The following ATP9B variants were observed in gnomAD, a reference collection of about 807,000 sequenced individuals.
The protein encoded by ATP9B is probable phospholipid-transporting ATPase IIB.
In ATP9B, 110 loss-of-function variants were observed where a neutral mutation model predicts 146.1. The ratio of observed to expected loss-of-function variants is 0.75; its 90% CI spans 0.65 to 0.88. ATP9B has a LOEUF of 0.88. ATP9B is among the 40% of genes least tolerant of loss of function. The pLI, the probability that ATP9B is intolerant of heterozygous loss-of-function variation, is 0.00. For synonymous variants in ATP9B, 604 were observed against 569.7 expected (o/e 1.06, Z -0.86); for missense variants, 1,499 against 1,496.4 (o/e 1.00, Z -0.03).
chr18:79,168,884 C>T (rs72994292), intron 7 of ATP9B, among the ~76,000 whole-genome samples: 10,022 of 152,080 alleles, frequency 0.066, 402 homozygotes, highest in Non-Finnish European at 0.095. Context: ...TGTATTAAAT[C>T]TCTTCCATGC....
At chr18:79,320,697 C>G (rs2096710449) in intron 15 of ATP9B, among the ~76,000 whole-genome samples, 1 of 152,164 alleles carries the variant, frequency 6.6e-6, no homozygotes, top group South Asian at 2.1e-4. Flanking sequence ...TGCAGAACTC[C>G]CACCCCCCTC....
chr18:79,171,745 G>A (rs1217529408), intron 7 of ATP9B, among the ~76,000 whole-genome samples: 1 of 152,184 alleles, frequency 6.6e-6, no homozygotes, highest in East Asian at 1.9e-4. Context: ...CACTAGCCCA[G>A]TGGGCTCAGC....
intron 5 of ATP9B, among the ~76,000 whole-genome samples, chr18:79,132,375 TC>T (rs1599783464): frequency 6.6e-6 from 1 of 152,324 alleles, no homozygotes; most frequent in East Asian, 1.9e-4. Context: ...GAGTACGAGT[TC>T]TCATATCCAG....
chr18:79,346,932 T>C (rs1322848903), intron 23 of ATP9B, among the ~76,000 whole-genome samples: 2 of 152,246 alleles, frequency 1.3e-5, no homozygotes, highest in Admixed American at 1.3e-4. Context: ...TCACATTTCA[T>C]AATGTCAATC....
intron 19 of ATP9B, among the ~76,000 whole-genome samples, chr18:79,337,650 C>G (rs1290474041): frequency 6.6e-6 from 1 of 152,180 alleles, no homozygotes; most frequent in Non-Finnish European, 1.5e-5. Flanking sequence ...CACCCCTACT[C>G]CAGACCTTCC....
rs545914339 is a variant in ATP9B, at chr18:79,275,160, G to A, written c.1269-1894G>A. Among the ~76,000 whole-genome samples the A allele has an allele frequency of 2.2e-4, 34 of 152,330 alleles. No homozygotes were observed. The South Asian group carries it at 5.4e-3, about 24-fold the overall frequency. ...CATGTTTTCCAAAGTGCAGATATCC[G>A]AGCCAAAGAATCAGAGCCATGAATA... is the stretch of plus-strand genomic sequence containing the variant. On this transcript the variant is annotated intron_variant, in intron 12 of 29. Transcript: ENST00000426216.
At chr18:79,179,233 C>A (rs2095220357) in intron 8 of ATP9B, among the ~76,000 whole-genome samples, 1 of 151,994 alleles carries the variant, frequency 6.6e-6, no homozygotes, top group Non-Finnish European at 1.5e-5. Flanking sequence ...TTTCAAAGAA[C>A]TTGTTTTTGG....
Position 79,224,340 on chromosome 18 carries a change from C to G in ATP9B, c.1107+10302C>G, listed in dbSNP as rs184368038. Among the ~76,000 whole-genome samples, 30 of 152,268 alleles carry G rather than the reference C, an allele frequency of 2.0e-4. No homozygotes were observed. In the East Asian group the frequency reaches 5.4e-3, roughly 27 times the overall value. ...CCAGATCATGCCCCGTGATTTCTGA[C>G]GAGGCGATCTGGAATGTCTCGTGAG... On this transcript the variant is annotated intron_variant, in intron 11 of 29. Transcript: ENST00000426216.
At chr18:79,308,890 C>T (rs1260887296) in intron 15 of ATP9B, among the ~76,000 whole-genome samples, 1 of 115,366 alleles carries the variant, frequency 8.7e-6, no homozygotes, top group African/African-American at 3.9e-5. Context: ...AGGTCAGGGG[C>T]TGAGGAGTGA....
intron 7 of ATP9B, among the ~76,000 whole-genome samples, chr18:79,157,056 A>G (rs67286206): frequency 0.25 from 37,943 of 151,848 alleles, 5,063 homozygotes; most frequent in East Asian, 0.5. Flanking sequence ...CTTTTTTTGC[A>G]TCTGTTTTTA....
At chr18:79,217,055 G>A (rs902141532) in intron 11 of ATP9B, among the ~76,000 whole-genome samples, 6 of 152,354 alleles carry the variant, frequency 3.9e-5, no homozygotes, top group Non-Finnish European at 8.8e-5. Flanking sequence ...AGAAGAGTGC[G>A]TTCCCGACTG....
chr18:79,248,283 G>T (rs1201987277), intron 11 of ATP9B, among the ~76,000 whole-genome samples: 1 of 142,334 alleles, frequency 7.0e-6, no homozygotes. Flanking sequence ...TGGAAAAGTT[G>T]TTGCTCTAAA....
chr18:79,115,419 A>G (rs1436307407), intron 4 of ATP9B: 1 of 139,198 alleles, frequency 7.2e-6, no homozygotes, highest in East Asian at 2.0e-4. Context: ...GGAAAAAACT[A>G]CTTTACAGTT....
intron 15 of ATP9B, among the ~76,000 whole-genome samples, chr18:79,316,347 A>G (rs1376193885): frequency 6.6e-6 from 1 of 152,200 alleles, no homozygotes; most frequent in Non-Finnish European, 1.5e-5. Context: ...CGCCGCCTGA[A>G]TGTGAGGGCT....
At chr18:79,362,490 T>G (rs1463517646) in intron 26 of ATP9B, 1 of 152,260 alleles carries the variant, frequency 6.6e-6, no homozygotes, top group Admixed American at 6.5e-5. Flanking sequence ...TTTGTTATTC[T>G]TTTGAAGCTC....
chr18:79,267,036 T>C (rs2096210444), intron 12 of ATP9B, among the ~76,000 whole-genome samples: 1 of 152,044 alleles, frequency 6.6e-6, no homozygotes, highest in Non-Finnish European at 1.5e-5. Flanking sequence ...TTCCTGAACA[T>C]TTACATAAGA....
At chr18:79,164,498 G>A (rs1484320706) in intron 7 of ATP9B, among the ~76,000 whole-genome samples, 2 of 152,180 alleles carry the variant, frequency 1.3e-5, no homozygotes, top group Middle Eastern at 3.4e-3. Flanking sequence ...GGCGGATCAC[G>A]AGGTCAGGAG....
chr18:79,162,571 C>T (rs2094899682), intron 7 of ATP9B, among the ~76,000 whole-genome samples: 1 of 152,212 alleles, frequency 6.6e-6, no homozygotes, highest in South Asian at 2.1e-4. Flanking sequence ...CCTCAGCTGT[C>T]TGTCACTTGT....
At chr18:79,291,027 TC>T (rs1266218992) in intron 13 of ATP9B, among the ~76,000 whole-genome samples, 1 of 152,218 alleles carries the variant, frequency 6.6e-6, no homozygotes, top group African/African-American at 2.4e-5. Context: ...TCAGAAACTG[TC>T]TACTCGGCTC....
Sources: gnomAD v4.1 joint callset for allele counts (sites outside exome capture counted in the v4.1 genomes callset) on GRCh38, gnomAD v4.1.1 for gene constraint, MANE v1.5 for transcripts, NCBI Gene and HGNC (gene_info 2026-07-23, HGNC 2026-07-21) for gene names.